Variants in KCNIP4 observed in about 807,000 individuals in gnomAD.
KCNIP4 encodes Kv channel-interacting protein 4.
In KCNIP4, 12 loss-of-function variants were observed where a neutral mutation model predicts 34.0. That is an observed-to-expected ratio of 0.35 (90% CI 0.23 to 0.57). The LOEUF (loss-of-function observed/expected upper bound fraction) is 0.57. Ranked by LOEUF, KCNIP4 falls within the 20% of genes least tolerant of loss-of-function variation. The pLI is 0.83. For missense variants in KCNIP4, 238 were observed against 311.7 expected (o/e 0.76, Z 1.78); for synonymous variants, 124 against 102.2 (o/e 1.21, Z -1.29).
At chr4:21,435,399 C>T (rs777301041) in intron 1 of KCNIP4, among the ~76,000 whole-genome samples, 13 of 152,140 alleles carry the variant, frequency 8.5e-5, no homozygotes, top group Non-Finnish European at 1.8e-4. Flanking sequence ...TAAAATGCAG[C>T]AACTTCCACT....
intron 1 of KCNIP4, among the ~76,000 whole-genome samples, chr4:21,089,366 TC>T (rs1277720935): frequency 6.6e-6 from 1 of 152,204 alleles, no homozygotes; most frequent in Non-Finnish European, 1.5e-5. Flanking sequence ...ATTGTAAATT[TC>T]CTGAGGCCTC....
intron 1 of KCNIP4, among the ~76,000 whole-genome samples, chr4:20,948,624 G>A (rs918586337): frequency 1.3e-5 from 2 of 152,230 alleles, no homozygotes; most frequent in African/African-American, 4.8e-5. Flanking sequence ...CGTTCAGGAC[G>A]TGGCCTGGGA....
At chr4:21,135,674 T>A (rs1751444658) in intron 1 of KCNIP4, among the ~76,000 whole-genome samples, 1 of 152,120 alleles carries the variant, frequency 6.6e-6, no homozygotes, top group Admixed American at 6.5e-5. Context: ...AGTGTATGGG[T>A]AGTAGTTTTT....
chr4:21,417,067 T>C (rs1725012026), intron 1 of KCNIP4, among the ~76,000 whole-genome samples: 1 of 152,216 alleles, frequency 6.6e-6, no homozygotes, highest in African/African-American at 2.4e-5. Flanking sequence ...CCTCCACTCT[T>C]GGAAAATCGA....
chr4:20,815,619 T>C (rs1009143660), intron 3 of KCNIP4, among the ~76,000 whole-genome samples: 3 of 152,186 alleles, frequency 2.0e-5, no homozygotes, highest in Admixed American at 6.5e-5. Flanking sequence ...GTTACATTAA[T>C]CAAAACATCT....
intron 1 of KCNIP4, among the ~76,000 whole-genome samples, chr4:21,792,875 C>G (rs1174844957): frequency 6.6e-6 from 1 of 152,154 alleles, no homozygotes; most frequent in Admixed American, 6.5e-5. Flanking sequence ...TTGTAAATAC[C>G]AAACCTAGAA....
chr4:21,621,789 T>C (rs1320216529), intron 1 of KCNIP4, among the ~76,000 whole-genome samples: 4 of 152,170 alleles, frequency 2.6e-5, no homozygotes, highest in Non-Finnish European at 5.9e-5. Flanking sequence ...AGGTACATTA[T>C]ATAAAAGAAA....
chr4:20,988,439 AT>A (rs1306918904), intron 1 of KCNIP4, among the ~76,000 whole-genome samples: 5 of 152,178 alleles, frequency 3.3e-5, no homozygotes, highest in African/African-American at 7.2e-5. Context: ...AAATGGGATG[AT>A]TTATCTAAAA....
intron 1 of KCNIP4, among the ~76,000 whole-genome samples, chr4:21,619,836 T>C (rs1263210477): frequency 6.6e-6 from 1 of 152,212 alleles, no homozygotes; most frequent in Admixed American, 6.5e-5. Flanking sequence ...AAAACTCAGA[T>C]ATTAAAAATC....
intron 1 of KCNIP4, among the ~76,000 whole-genome samples, chr4:21,416,462 G>T (rs189833128): frequency 5.2e-4 from 79 of 152,210 alleles, no homozygotes; most frequent in African/African-American, 1.8e-3. Context: ...TCCCCAGATT[G>T]GTCCAGATTA....
chr4:21,468,743 G>A lies in KCNIP4; in HGVS notation c.61+479828C>T, dbSNP rs114758979. 7.9e-3 allele frequency among the ~76,000 whole-genome samples: 1,196 copies of A among 152,284 alleles called. 13 individuals are homozygous for A. The highest frequency in any genetic ancestry group is 0.028 in the African/African-American group (1,150 of 41,554). On this transcript the variant is annotated intron_variant, in intron 1 of 8. Transcript: ENST00000382152. ...TGCTCTTAAACTGTATTCAGATGTTGTGAAACTGGCTGGCTGACAAATCTA... is the reference window on the plus strand; with the variant it reads ...TGCTCTTAAACTGTATTCAGATGTTATGAAACTGGCTGGCTGACAAATCTA...
intron 1 of KCNIP4, among the ~76,000 whole-genome samples, chr4:21,732,667 A>T (rs1715694180): frequency 8.3e-6 from 1 of 120,612 alleles, no homozygotes; most frequent in Non-Finnish European, 1.6e-5. Flanking sequence ...CCATTCCAGC[A>T]CTGATCTGGG....
intron 1 of KCNIP4, among the ~76,000 whole-genome samples, chr4:21,945,929 T>C (rs932639621): frequency 1.3e-5 from 2 of 150,964 alleles, no homozygotes; most frequent in Non-Finnish European, 2.9e-5. Context: ...TATGTACTTA[T>C]GCACAACTCA....
intron 1 of KCNIP4, among the ~76,000 whole-genome samples, chr4:21,093,537 T>A (rs1747180204): frequency 7.0e-6 from 1 of 143,778 alleles, no homozygotes; most frequent in East Asian, 2.0e-4. Context: ...CAGTTTGTAA[T>A]CCCAGGGAAA....
At chr4:21,378,053 C>T (rs1721135863) in intron 1 of KCNIP4, among the ~76,000 whole-genome samples, 1 of 149,216 alleles carries the variant, frequency 6.7e-6, no homozygotes, top group South Asian at 2.1e-4. Context: ...TCATTCACTT[C>T]ACTCCAGGTA....
At position 21,820,273 on chromosome 4, in the gene KCNIP4, ATGTGTGTG is replaced by A. The variant is rs201520758; in HGVS notation, c.61+128290_61+128297del. Among the ~76,000 whole-genome samples the A allele has an allele frequency of 6.6e-3, 302 of 46,014 alleles. 2 individuals are homozygous for A. The highest frequency in any genetic ancestry group is 0.016 in the African/African-American group (281 of 17,678). The allele number at this position is 46,014 out of a possible 152,430, so 30.2% of individuals were successfully genotyped here. On this transcript the variant is annotated intron_variant, in intron 1 of 8. Coordinates refer to ENST00000382152, the MANE Select transcript of KCNIP4 (RefSeq NM_025221.6). ...TAAGATATGTATGTATATCTTATGT[ATGTGTGTG>A]TGTGTATATATATATATATATATAT... is the stretch of plus-strand genomic sequence containing the variant.
chr4:21,679,864 A>T (rs1750204542), intron 1 of KCNIP4, among the ~76,000 whole-genome samples: 1 of 152,196 alleles, frequency 6.6e-6, no homozygotes, highest in African/African-American at 2.4e-5. Context: ...AAAATACTCT[A>T]TTGCTAAAAA....
At position 21,741,227 on chromosome 4, in the gene KCNIP4, G is replaced by T. The variant is rs369944751; in HGVS notation, c.61+207344C>A. On this transcript the variant is annotated intron_variant, in intron 1 of 8. Transcript: ENST00000382152. ...TTTACTGGGAAAAGAGCTAGGGCAA[G>T]TAGGCCTCCAGCCATGGCAGGTAAT... Among the ~76,000 whole-genome samples, 14 of 152,180 alleles carry T rather than the reference G, an allele frequency of 9.2e-5. 1 individual carries two copies. The East Asian group carries it at 9.6e-4, about 10-fold the overall frequency.
chr4:21,016,040 A>G (rs911340551), intron 1 of KCNIP4, among the ~76,000 whole-genome samples: 2 of 148,132 alleles, frequency 1.4e-5, no homozygotes, highest in African/African-American at 4.9e-5. Flanking sequence ...TAGAAAGAAA[A>G]AAAACAAATT....
Sources: gnomAD v4.1 joint callset for allele counts (sites outside exome capture counted in the v4.1 genomes callset) on GRCh38, gnomAD v4.1.1 for gene constraint, MANE v1.5 for transcripts, NCBI Gene and HGNC (gene_info 2026-07-23, HGNC 2026-07-21) for gene names.